The following GRIA3 variants were observed in gnomAD, a reference collection of about 807,000 sequenced individuals.
GRIA3 encodes the protein glutamate receptor 3.
GRIA3 carries 3 observed loss-of-function variants against 63.0 expected under a neutral mutation model. That is an observed-to-expected ratio of 0.05 (90% CI 0.02 to 0.12). GRIA3 has a LOEUF of 0.12. Among genes scored for constraint, GRIA3 ranks in the 10% least tolerant of loss-of-function variants. The probability of loss-of-function intolerance (pLI) is 1.00; values close to 1 mark genes in which losing one functional copy is unlikely to be tolerated. For missense variants in GRIA3, 347 were observed against 700.9 expected, an observed-to-expected ratio of 0.50 and a Z score of 5.70; for synonymous variants, 274 against 257.9, an observed-to-expected ratio of 1.06 and a Z score of -0.60.
rs749437702 is a variant in GRIA3, at chrX:123,433,145, A to G, written c.2076+5006A>G. Among the ~76,000 whole-genome samples, 5 of 112,100 alleles carry G rather than the reference A, an allele frequency of 4.5e-5. No homozygotes were observed. The Admixed American group carries it at 4.7e-4, about 11-fold the overall frequency. On this transcript the variant is annotated intron_variant, in intron 12 of 15. Transcript: ENST00000620443. ...TTCTGGAAATAGGCAGTAATTCTAG[A>G]ATCCCAGAAAATTTAAATCCATGTC...
chrX:123,243,875 T>G (rs1452338927), intron 2 of GRIA3, among the ~76,000 whole-genome samples: 2 of 111,520 alleles, frequency 1.8e-5, no homozygotes, highest in Non-Finnish European at 3.8e-5. Context: ...CCATATTATC[T>G]CGATATAAAA....
At chrX:123,317,489 C>T (rs1210187500) in intron 3 of GRIA3, among the ~76,000 whole-genome samples, 1 of 112,208 alleles carries the variant, frequency 8.9e-6, no homozygotes, top group Non-Finnish European at 1.9e-5. Context: ...AATGGAGGTA[C>T]AGGTATTTTG....
chrX:123,356,494 T>G (rs1360426004), intron 5 of GRIA3, among the ~76,000 whole-genome samples: 6 of 111,788 alleles, frequency 5.4e-5, no homozygotes, highest in Non-Finnish European at 1.1e-4. Flanking sequence ...TTTATTTTAA[T>G]GAAAATATAT....
intron 12 of GRIA3, among the ~76,000 whole-genome samples, chrX:123,457,905 C>T (rs1313636342): frequency 9.0e-6 from 1 of 111,002 alleles, no homozygotes; most frequent in Non-Finnish European, 1.9e-5. Context: ...ATTTGGGAGG[C>T]CACATTTTAG....
chrX:123,396,600 T>C (rs749203756), intron 6 of GRIA3, among the ~76,000 whole-genome samples: 43 of 111,850 alleles, frequency 3.8e-4, no homozygotes, highest in Non-Finnish European at 7.3e-4. Context: ...ATTTTTAATG[T>C]ACTAAACTGA....
intron 3 of GRIA3, among the ~76,000 whole-genome samples, chrX:123,276,674 A>G (rs148036800): frequency 1.7e-3 from 189 of 111,870 alleles, no homozygotes; most frequent in Non-Finnish European, 2.8e-3. Context: ...TGGAATTTGT[A>G]TCCAGGCAGT....
intron 11 of GRIA3, among the ~76,000 whole-genome samples, 185 bp from the exon 12 acceptor site, chrX:123,427,756 C>A (rs895719345): frequency 5.4e-5 from 6 of 111,128 alleles, no homozygotes; most frequent in Non-Finnish European, 1.1e-4. Flanking sequence ...AGTATGCCAT[C>A]ATGACATGGG....
intron 5 of GRIA3, among the ~76,000 whole-genome samples, chrX:123,383,640 G>A (rs2045337349): frequency 9.0e-6 from 1 of 111,394 alleles, no homozygotes; most frequent in African/African-American, 3.3e-5. Context: ...CCAAATAGTT[G>A]TCCATTGTGT....
At chrX:123,439,578 ATT>A (rs1436903006) in intron 12 of GRIA3, among the ~76,000 whole-genome samples, 2 of 107,006 alleles carry the variant, frequency 1.9e-5, no homozygotes, top group African/African-American at 6.8e-5. Context: ...GAAATATTTT[ATT>A]TTGTTTTTTT....
intron 2 of GRIA3, among the ~76,000 whole-genome samples, chrX:123,216,207 C>A (rs886243558): frequency 8.9e-6 from 1 of 112,286 alleles, no homozygotes; most frequent in Admixed American, 9.4e-5. Flanking sequence ...ACCTCAGCAA[C>A]TTGTCAAGAG....
intron 2 of GRIA3, among the ~76,000 whole-genome samples, chrX:123,190,699 T>C (rs1325870096): frequency 1.8e-5 from 2 of 112,200 alleles, no homozygotes; most frequent in African/African-American, 3.2e-5. Flanking sequence ...CTCTCTGCAA[T>C]TTTAACTTTT....
intron 3 of GRIA3, among the ~76,000 whole-genome samples, chrX:123,277,847 A>G (rs1051741789): frequency 2.7e-5 from 3 of 111,752 alleles, no homozygotes; most frequent in African/African-American, 9.8e-5. Context: ...AAGTAAGACA[A>G]TGAGGAAAAT....
intron 2 of GRIA3, among the ~76,000 whole-genome samples, chrX:123,241,099 G>A (rs968459568): frequency 5.9e-4 from 66 of 111,748 alleles, no homozygotes; most frequent in African/African-American, 2.0e-3. Context: ...GAAGAATAAA[G>A]TAGCATGCCC....
chrX:123,193,754 C>T (rs1290914876), intron 2 of GRIA3, among the ~76,000 whole-genome samples: 6 of 112,162 alleles, frequency 5.3e-5, no homozygotes, highest in East Asian at 2.8e-4. Flanking sequence ...AAAATGCAAG[C>T]GTGCTATCTG....
intron 3 of GRIA3, among the ~76,000 whole-genome samples, chrX:123,299,978 T>G (rs186547934): frequency 3.2e-4 from 36 of 111,811 alleles, no homozygotes; most frequent in African/African-American, 1.1e-3. Flanking sequence ...CTGCATATAT[T>G]AAGGTAATCA....
intron 12 of GRIA3, among the ~76,000 whole-genome samples, chrX:123,448,589 C>T (rs779046886): frequency 3.6e-5 from 4 of 111,874 alleles, no homozygotes; most frequent in African/African-American, 9.7e-5. Context: ...CCACTAGCCA[C>T]GTGTAACTAT....
intron 5 of GRIA3, among the ~76,000 whole-genome samples, chrX:123,382,313 TA>T (rs1007028620): frequency 1.1e-4 from 12 of 108,878 alleles, no homozygotes; most frequent in Non-Finnish European, 2.3e-4. Context: ...TCTTGCCAGC[TA>T]AAAAAAAAGC....
rs760058562 is a variant in GRIA3, at chrX:123,249,785, C to T, written c.269-3518C>T. ...CACTGATCTATAAATATTCCTGAGT[C>T]CCTTGTCTGAGTCACAACCAGAGCT... On this transcript the variant is annotated intron_variant, in intron 2 of 15. Coordinates refer to ENST00000620443, the MANE Select transcript of GRIA3 (RefSeq NM_007325.5). 1.9e-3 allele frequency among the ~76,000 whole-genome samples: 214 copies of T among 111,717 alleles called. 1 individual carries two copies. The highest frequency in any genetic ancestry group is 3.3e-3 in the Non-Finnish European group (177 of 53,167).
At chrX:123,349,339 C>T (rs1261426533) in intron 4 of GRIA3, among the ~76,000 whole-genome samples, 5 of 111,961 alleles carry the variant, frequency 4.5e-5, no homozygotes, top group Non-Finnish European at 9.4e-5. Context: ...CTCTTATTTG[C>T]GTTGGTTCTT....
Sources: gnomAD v4.1 joint callset for allele counts (sites outside exome capture counted in the v4.1 genomes callset) on GRCh38, gnomAD v4.1.1 for gene constraint, MANE v1.5 for transcripts, NCBI Gene and HGNC (gene_info 2026-07-23, HGNC 2026-07-21) for gene names.